Variants in HTR4 observed in about 807,000 individuals in gnomAD.
The protein encoded by HTR4 is 5-hydroxytryptamine receptor 4.
A neutral mutation model predicts 36.8 loss-of-function variants in HTR4; 16 were observed. The observed-to-expected ratio is 0.43, with a 90% CI of 0.29 to 0.66. HTR4 has a LOEUF of 0.66. Among genes scored for constraint, HTR4 ranks in the 30% least tolerant of loss-of-function variants. The pLI is 0.13. For missense variants in HTR4, 438 were observed against 490.9 expected, an observed-to-expected ratio of 0.89 and a Z score of 1.02; for synonymous variants, 189 against 185.1, an observed-to-expected ratio of 1.02 and a Z score of -0.17.
rs187739958 is a variant in HTR4, at chr5:148,604,398, A to G, written c.26+32591T>C. On this transcript the variant is annotated intron_variant, in intron 2 of 6. Coordinates refer to ENST00000377888, the MANE Select transcript of HTR4 (RefSeq NM_000870.7). The stretch of plus-strand genomic sequence containing the variant: ...AAAGATATCAATACCAGCATTTGCC[A>G]GGATGGGGAGAATTTAGATCTCTTA... Among the ~76,000 whole-genome samples the G allele has an allele frequency of 2.1e-3, 318 of 152,338 alleles. 1 individual carries two copies. The highest frequency in any genetic ancestry group is 3.6e-3 in the Non-Finnish European group (242 of 68,018).
chr5:148,590,651 G>A (rs201935725), intron 2 of HTR4, among the ~76,000 whole-genome samples: 2 of 152,054 alleles, frequency 1.3e-5, no homozygotes, highest in East Asian at 1.9e-4. Context: ...ATACTTAAGT[G>A]AGAGACTCTA....
chr5:148,457,117 G>C (rs2113687762), intron 5 of HTR4, among the ~76,000 whole-genome samples: 1 of 149,898 alleles, frequency 6.7e-6, no homozygotes, highest in Admixed American at 6.6e-5. Flanking sequence ...TCTGTAAATG[G>C]CTTTACAAAT....
intron 4 of HTR4, among the ~76,000 whole-genome samples, chr5:148,537,247 A>G (rs1299341251): frequency 6.6e-6 from 1 of 152,110 alleles, no homozygotes; most frequent in Non-Finnish European, 1.5e-5. Flanking sequence ...CAGTATTGAG[A>G]GGAAATTCAT....
At chr5:148,636,849 C>T in intron 2 of HTR4, 140 bp downstream of exon 2, 1 of 589,326 alleles carries the variant, frequency 1.7e-6, no homozygotes, top group South Asian at 2.6e-5. Flanking sequence ...TCAAACAGTA[C>T]TGTGAACATG....
chr5:148,625,384 T>C (rs771656128), intron 2 of HTR4, among the ~76,000 whole-genome samples: 3 of 152,124 alleles, frequency 2.0e-5, no homozygotes, highest in Non-Finnish European at 4.4e-5. Context: ...TCAACATAAT[T>C]GGATAGAAGC....
intron 6 of HTR4, 145 bp downstream of exon 6, chr5:148,509,311 A>G (rs560417304): frequency 1.4e-5 from 9 of 627,746 alleles, no homozygotes; most frequent in East Asian, 1.4e-4. Flanking sequence ...GCTGTATTCC[A>G]TGACCAGATA....
At chr5:148,587,746 C>T (rs115007134) in intron 2 of HTR4, among the ~76,000 whole-genome samples, 1 of 152,080 alleles carries the variant, frequency 6.6e-6, no homozygotes, top group Non-Finnish European at 1.5e-5. Context: ...TTTGGGGAAG[C>T]CTTTGCAGAA....
At chr5:148,502,794 T>A (rs1757000921) in intron 6 of HTR4, among the ~76,000 whole-genome samples, 1 of 152,204 alleles carries the variant, frequency 6.6e-6, no homozygotes, top group Non-Finnish European at 1.5e-5. Context: ...GGAGTAGTCC[T>A]TAAATGACCT....
chr5:148,632,547 G>T (rs1399339590), intron 2 of HTR4, among the ~76,000 whole-genome samples: 5 of 152,068 alleles, frequency 3.3e-5, no homozygotes, highest in Non-Finnish European at 7.4e-5. Context: ...AAAGAACCAA[G>T]ACATAAAATA....
At chr5:148,516,013 T>G (rs1757733291) in intron 5 of HTR4, among the ~76,000 whole-genome samples, 1 of 150,336 alleles carries the variant, frequency 6.7e-6, no homozygotes, top group Admixed American at 6.7e-5. Flanking sequence ...TATACATATA[T>G]GTATGGACAC....
At chr5:148,605,435 T>C (rs1417212455) in intron 2 of HTR4, among the ~76,000 whole-genome samples, 1 of 151,506 alleles carries the variant, frequency 6.6e-6, no homozygotes, top group East Asian at 1.9e-4. Context: ...ATTTTTGTAT[T>C]TTTGTAGAGA....
chr5:148,474,859 A>G (rs994622385), downstream of HTR4, among the ~76,000 whole-genome samples: 1 of 152,126 alleles, frequency 6.6e-6, no homozygotes, highest in Non-Finnish European at 1.5e-5. Context: ...CAGCCTGGGC[A>G]ACACGGTGAA....
At chr5:148,492,791 A>G (rs1477117162) in intron 6 of HTR4, among the ~76,000 whole-genome samples, 1 of 152,238 alleles carries the variant, frequency 6.6e-6, no homozygotes, top group Non-Finnish European at 1.5e-5. Flanking sequence ...TTAAGGTCAT[A>G]TTGACACTAA....
chr5:148,587,591 T>C (rs182234492), intron 2 of HTR4, among the ~76,000 whole-genome samples: 9 of 152,270 alleles, frequency 5.9e-5, no homozygotes, highest in African/African-American at 1.9e-4. Flanking sequence ...TACTTGCTCC[T>C]CCCATGTAAT....
intron 4 of HTR4, among the ~76,000 whole-genome samples, chr5:148,533,514 C>A (rs1483388095): frequency 1.3e-5 from 2 of 152,160 alleles, no homozygotes; most frequent in African/African-American, 2.4e-5. Context: ...CATGCTAATC[C>A]CTTCCGTGCT....
At chr5:148,587,745 G>A (rs539741592) in intron 2 of HTR4, among the ~76,000 whole-genome samples, 151 of 152,282 alleles carry the variant, frequency 9.9e-4, no homozygotes, top group Middle Eastern at 3.4e-3. Flanking sequence ...CTTTGGGGAA[G>A]CCTTTGCAGA....
At chr5:148,615,124 A>T (rs1185216542) in intron 2 of HTR4, among the ~76,000 whole-genome samples, 3 of 151,464 alleles carry the variant, frequency 2.0e-5, no homozygotes, top group Non-Finnish European at 3.0e-5. Context: ...CAGTGTGGCG[A>T]TTCCTCAGGG....
At chr5:148,568,614 TAA>T (rs1760551355) in intron 2 of HTR4, among the ~76,000 whole-genome samples, 2 of 152,058 alleles carry the variant, frequency 1.3e-5, no homozygotes, top group Non-Finnish European at 2.9e-5. Context: ...CTTCAAACAA[TAA>T]GATACAATTT....
chr5:148,603,034 C>T, intron 2 of HTR4, among the ~76,000 whole-genome samples: 1 of 152,034 alleles, frequency 6.6e-6, no homozygotes, highest in East Asian at 1.9e-4. Context: ...AAATAAATAA[C>T]ACCAACTTAC....
Sources: allele counts gnomAD v4.1 joint callset (sites outside exome capture counted in the v4.1 genomes callset), GRCh38; gene constraint gnomAD v4.1.1; transcripts MANE v1.5; gene names NCBI Gene and HGNC (gene_info 2026-07-23, HGNC 2026-07-21).